Variants in THUMPD1 observed in about 807,000 individuals in gnomAD.
THUMPD1 encodes the protein THUMP domain-containing protein 1.
A neutral mutation model predicts 31.6 loss-of-function variants in THUMPD1; 31 were observed. That is an observed-to-expected ratio of 0.98 (90% CI 0.74 to 1.32). The LOEUF (loss-of-function observed/expected upper bound fraction) is 1.32. Among genes scored for constraint, THUMPD1 ranks in the 40% most tolerant of loss-of-function variants. The pLI is 0.00. For missense variants in THUMPD1, 446 were observed against 427.8 expected (o/e 1.04, Z -0.38); for synonymous variants, 166 against 158.2 (o/e 1.05, Z -0.37).
Position 20,741,613 on chromosome 16 carries a change from G to C in THUMPD1, c.127C>G (p.Leu43Val), listed in dbSNP as rs201084085. 19 of 1,573,414 alleles carry C rather than the reference G, an allele frequency of 1.2e-5. 1 individual carries two copies. The highest frequency in any genetic ancestry group is 1.8e-4 in the Middle Eastern group (1 of 5,470). ...TTGCAGGTGATGAGGATGCCCTGTAGCCCGGGCTCTAGCTGACGGGGCCCG... is the reference window on the plus strand; with the variant it reads ...TTGCAGGTGATGAGGATGCCCTGTACCCCGGGCTCTAGCTGACGGGGCCCG... ...AGGPRQLEPG[L>V]QGILITCNMN... Residue 43 changes from leucine (L) to valine (V), a missense_variant, in exon 1 of 4, where the codon CTA (leucine) becomes GTA (valine). Leu to Val is a conservative substitution (Grantham distance 32). Transcript: ENST00000396083.
At chr16:20,741,480 G>GGGGGGGGC in intron 1 of THUMPD1, 29 bp downstream of exon 1, 6 of 1,340,420 alleles carry the variant, frequency 4.5e-6, no homozygotes, top group Non-Finnish European at 5.8e-6. Context: ...CCTGGCAGCC[G>GGGGGGGGC]GCCCGCCCGC....
rs1346435342 is a variant in THUMPD1 at position 20,733,950 on chromosome 16, GA to G, written c.*2929del. 1 of 151,948 alleles carries G rather than the reference GA, an allele frequency of 6.6e-6. No individual in the cohort carries two copies. The highest frequency in any genetic ancestry group is 2.4e-5 in the African/African-American group (1 of 41,386). The allele number at this position is 151,948 out of a possible 1,614,324, so 9.4% of individuals were successfully genotyped here. A position where few individuals can be genotyped will look rare whatever the true frequency, so the allele number is the denominator to read the frequency against. ...GGAATAAAAAGCACTTCCTACCCTG[GA>G]ATCCCGTCATTTATAAAATAACATG... On this transcript the variant is annotated 3_prime_UTR_variant, in exon 4 of 4. Coordinates refer to ENST00000396083, the MANE Select transcript of THUMPD1 (RefSeq NM_017736.5).
Position 20,739,070 on chromosome 16 carries a change from A to G in THUMPD1, c.233T>C (p.Phe78Ser). ...YGDDMYGPEK[F>S]TDKDQQPSGS... ...AGAGGGCTGCTGATCCTTGTCTGTA[A>G]ACTGTTTGCATAAAACTAATGAGCA... The change falls in exon 2 of 4, where the codon TTT (phenylalanine) becomes TCT (serine). Residue 78 changes from phenylalanine to serine, a missense_variant and splice_region_variant. Phe to Ser is a radical substitution (Grantham distance 155). Coordinates refer to ENST00000396083, the MANE Select transcript of THUMPD1 (RefSeq NM_017736.5). The G allele has an allele frequency of 6.2e-7, 1 of 1,614,110 alleles. No homozygotes were observed.
Position 20,736,641 on chromosome 16 carries a change from C to T in THUMPD1, c.*239G>A, listed in dbSNP as rs1262596358. On this transcript the variant is annotated 3_prime_UTR_variant, in exon 4 of 4. Transcript: ENST00000396083. The stretch of plus-strand genomic sequence containing the variant: ...GCCTGGGAGAGGCCAACATCCCCCT[C>T]CTATCCTCCCCTCTTTGCAACAGCA... The T allele has an allele frequency of 1.1e-5, 5 of 472,078 alleles. No individual in the cohort carries two copies. In the South Asian group the frequency reaches 1.4e-4, roughly 13 times the overall value. 29.2% of individuals were successfully genotyped at this position (472,078 alleles called of 1,614,324 possible). A position where few individuals can be genotyped will look rare whatever the true frequency, so the allele number is the denominator to read the frequency against.
rs370375818 is a variant in THUMPD1, at chr16:20,741,596, G to A, written c.144C>T (p.Ile48=). The change falls in exon 1 of 4, where the codon ATC becomes ATT. Residue 48 remains isoleucine (I), a synonymous_variant. Coordinates refer to ENST00000396083, the MANE Select transcript of THUMPD1 (RefSeq NM_017736.5). Reference sequence around the variant, plus strand: ...ACTTGCGCTCGTTCATATTGCAGGTGATGAGGATGCCCTGTAGCCCGGGCT... The same window carrying A: ...ACTTGCGCTCGTTCATATTGCAGGTAATGAGGATGCCCTGTAGCCCGGGCT... ...QLEPGLQGIL[I]TCNMNERKCV... 1.3e-6 allele frequency: 2 copies of A among 1,575,774 alleles called. No individual in the cohort carries two copies. Among genetic ancestry groups the A allele is most frequent in the Admixed American group, 3.7e-5 (2 of 54,606 alleles).
rs1327922947 is a variant in THUMPD1, at chr16:20,741,379, G to GGCCACGCCCCTACAGCC, written c.231+113_231+129dup. On this transcript the variant is annotated intron_variant, in intron 1 of 3. Transcript: ENST00000396083. ...GGACTAGGGACGGAAACGCCGGCGAGGCCACGCCCCTACAGCCGTCACGCC... is the reference window on the plus strand; with the variant it reads ...GGACTAGGGACGGAAACGCCGGCGAGGCCACGCCCCTACAGCCGCCACGCCCCTACAGCCGTCACGCC... 1.0e-4 allele frequency: 121 copies of GGCCACGCCCCTACAGCC among 1,189,792 alleles called. No individual in the cohort carries two copies. The East Asian group carries it at 3.0e-3, about 29-fold the overall frequency. The allele number at this position is 1,189,792 out of a possible 1,614,324, so 73.7% of individuals were successfully genotyped here.
Position 20,739,018 on chromosome 16 carries a change from C to G in THUMPD1, c.285G>C (p.Ala95=). 6.2e-7 allele frequency: 1 copy of G among 1,614,176 alleles called. No individual in the cohort carries two copies. The highest frequency in any genetic ancestry group is 8.5e-7 in the Non-Finnish European group (1 of 1,180,030). ...PSGSEGEDDD[A]EAALKKEVGD... is the part of the protein sequence containing the mutation. Reference sequence around the variant, plus strand: ...CAACTTCTTTCTTCAAGGCAGCCTCCGCATCATCATCCTCTCCCTCACTTC... The same window carrying G: ...CAACTTCTTTCTTCAAGGCAGCCTCGGCATCATCATCCTCTCCCTCACTTC... Residue 95 remains alanine (A), a synonymous_variant, in exon 2 of 4, where the codon GCG becomes GCC. Coordinates refer to ENST00000396083, the MANE Select transcript of THUMPD1 (RefSeq NM_017736.5).
chr16:20,738,345 A>G (rs2079889283), intron 2 of THUMPD1: 1 of 410,020 alleles, frequency 2.4e-6, no homozygotes, highest in South Asian at 1.8e-5. Flanking sequence ...GAGTCACTTT[A>G]AAAGATGTAA....
At chr16:20,740,919 G>A (rs746540491) in intron 1 of THUMPD1, among the ~76,000 whole-genome samples, 1 of 152,318 alleles carries the variant, frequency 6.6e-6, no homozygotes, top group South Asian at 2.1e-4. Flanking sequence ...CATGAAAAAT[G>A]TGTTTCTGAA....
chr16:20,736,794 G>C lies in THUMPD1; in HGVS notation c.*86C>G. The C allele has an allele frequency of 7.2e-7, 1 of 1,382,074 alleles. No homozygotes were observed. The highest frequency in any genetic ancestry group is 9.9e-7 in the Non-Finnish European group (1 of 1,006,668). 85.6% of individuals were successfully genotyped at this position (1,382,074 alleles called of 1,614,324 possible). Reference sequence around the variant, plus strand: ...TAATGCAGCACACAAATAAAAAACTGTTTTTAGTCACAATTTAAGGTGGAG... The same window carrying C: ...TAATGCAGCACACAAATAAAAAACTCTTTTTAGTCACAATTTAAGGTGGAG... On this transcript the variant is annotated 3_prime_UTR_variant, in exon 4 of 4. Coordinates refer to ENST00000396083, the MANE Select transcript of THUMPD1 (RefSeq NM_017736.5).
At chr16:20,740,321 G>T (rs923277045) in intron 1 of THUMPD1, among the ~76,000 whole-genome samples, 1 of 152,176 alleles carries the variant, frequency 6.6e-6, no homozygotes, top group Admixed American at 6.5e-5. Context: ...CTTCAGCCCC[G>T]GAGGTGGAAG....
Position 20,741,489 on chromosome 16 carries a change from GCCCA to G in THUMPD1, c.231+16_231+19del, listed in dbSNP as rs1372670475. ...GCAAGGCCTGGCAGCCGGCCCGCCC[GCCCA>G]CCCCGGGACCGGTACCTTTTCTGGC... is the stretch of plus-strand genomic sequence containing the variant. On this transcript the variant is annotated intron_variant, in intron 1 of 3. Transcript: ENST00000396083. The G allele has an allele frequency of 3.1e-6, 2 of 650,268 alleles. No individual in the cohort carries two copies. Among genetic ancestry groups the G allele is most frequent in the Non-Finnish European group, 4.1e-6 (2 of 487,740 alleles). The allele number at this position is 650,268 out of a possible 1,614,324, so 40.3% of individuals were successfully genotyped here. A position where few individuals can be genotyped will look rare whatever the true frequency, so the allele number is the denominator to read the frequency against.
In THUMPD1 at chr16:20,737,169, A is replaced by C; in HGVS notation, c.773T>G (p.Leu258Trp). Residue 258 changes from leucine to tryptophan, a missense_variant, in exon 4 of 4, where the codon TTG becomes TGG. Coordinates refer to ENST00000396083, the MANE Select transcript of THUMPD1 (RefSeq NM_017736.5). ...CCLSVVKDYM[L>W]FRKYNLQEVV... is the part of the protein sequence containing the mutation. ...CTCCTGGAGATTGTATTTTCTAAAC[A>C]ACATGTAATCTTTCACAACACTCAG... 1 of 1,614,220 alleles carries C rather than the reference A, an allele frequency of 6.2e-7. No individual in the cohort carries two copies. Among genetic ancestry groups the C allele is most frequent in the East Asian group, 2.2e-5 (1 of 44,880 alleles).
chr16:20,737,364 G>C, intron 3 of THUMPD1, 78 bp from the exon 4 acceptor site: 1 of 1,432,792 alleles, frequency 7.0e-7, no homozygotes, highest in Middle Eastern at 1.8e-4. Context: ...TTTTGTCTCT[G>C]TTTCTTGTTA....
At position 20,739,156 on chromosome 16, in the gene THUMPD1, C is replaced by T. The variant is rs906818057; in HGVS notation, c.232-85G>A. The stretch of plus-strand genomic sequence containing the variant: ...GTAATTATTTATGTGAAGTCCCTGG[C>T]GGCAGGTGGCTCAGTATTGATTTTT... On this transcript the variant is annotated intron_variant, in intron 1 of 3. Coordinates refer to ENST00000396083, the MANE Select transcript of THUMPD1 (RefSeq NM_017736.5). The T allele has an allele frequency of 6.6e-5, 90 of 1,353,432 alleles. No homozygotes were observed. In the African/African-American group the frequency reaches 7.4e-4, roughly 11 times the overall value. The allele number at this position is 1,353,432 out of a possible 1,614,324, so 83.8% of individuals were successfully genotyped here.
Position 20,734,236 on chromosome 16 carries a change from T to G in THUMPD1, c.*2644A>C, listed in dbSNP as rs1248910233. 2 of 152,644 alleles carry G rather than the reference T, an allele frequency of 1.3e-5. No individual in the cohort carries two copies. The highest frequency in any genetic ancestry group is 2.9e-5 in the Non-Finnish European group (2 of 68,036). 9.5% of individuals were successfully genotyped at this position (152,644 alleles called of 1,614,324 possible). On this transcript the variant is annotated 3_prime_UTR_variant, in exon 4 of 4. Coordinates refer to ENST00000396083, the MANE Select transcript of THUMPD1 (RefSeq NM_017736.5). ...GTATGCTCTGTAGGCATATGGCCAATTTTCTTCCGAGTCCTTTTGTCTTGC... is the reference window on the plus strand; with the variant it reads ...GTATGCTCTGTAGGCATATGGCCAAGTTTCTTCCGAGTCCTTTTGTCTTGC...
intron 1 of THUMPD1, 29 bp downstream of exon 1, chr16:20,741,480 G>GGGGGGGGGGC: frequency 5.2e-6 from 7 of 1,340,418 alleles, no homozygotes; most frequent in African/African-American, 1.5e-5. Flanking sequence ...CCTGGCAGCC[G>GGGGGGGGGGC]GCCCGCCCGC....
At position 20,736,799 on chromosome 16, in the gene THUMPD1, T is replaced by A. The variant is rs1042844884; in HGVS notation, c.*81A>T. ...CAGCACACAAATAAAAAACTGTTTTTAGTCACAATTTAAGGTGGAGCCCCA... is the reference window on the plus strand; with the variant it reads ...CAGCACACAAATAAAAAACTGTTTTAAGTCACAATTTAAGGTGGAGCCCCA... On this transcript the variant is annotated 3_prime_UTR_variant, in exon 4 of 4. Transcript: ENST00000396083. The A allele has an allele frequency of 7.0e-7, 1 of 1,421,852 alleles. No homozygotes were observed. Among genetic ancestry groups the A allele is most frequent in the African/African-American group, 1.4e-5 (1 of 69,698 alleles). The allele number at this position is 1,421,852 out of a possible 1,614,324, so 88.1% of individuals were successfully genotyped here.
rs1011682244 is a variant in THUMPD1 at position 20,737,960 on chromosome 16, A to G, written c.407-4T>C. The G allele has an allele frequency of 2.0e-5, 32 of 1,572,654 alleles. No homozygotes were observed. Among genetic ancestry groups the G allele is most frequent in the Non-Finnish European group, 2.6e-5 (30 of 1,164,784 alleles). On this transcript the variant is annotated splice_polypyrimidine_tract_variant and splice_region_variant and intron_variant, in intron 2 of 3. Transcript: ENST00000396083. ...TGATGCACCAATTTCTCAGGCTCTT[A>G]AGAAAAAAAAAAAGTTAAGAAGATA...
Sources: gnomAD v4.1 joint callset for allele counts (sites outside exome capture counted in the v4.1 genomes callset) on GRCh38, gnomAD v4.1.1 for gene constraint, MANE v1.5 for transcripts, NCBI Gene and HGNC (gene_info 2026-07-23, HGNC 2026-07-21) for gene names.